Variants in KIF14 observed in about 807,000 individuals in gnomAD.
KIF14 encodes the protein kinesin family member 14, also known as kinesin-like protein KIF14.
A neutral mutation model predicts 176.2 loss-of-function variants in KIF14; 98 were observed. The ratio of observed to expected loss-of-function variants is 0.56; its 90% confidence interval spans 0.47 to 0.66. The LOEUF (loss-of-function observed/expected upper bound fraction) is 0.66, where lower values mean the gene tolerates loss of function less well. Ranked by LOEUF, KIF14 falls within the 30% of genes least tolerant of loss-of-function variation. KIF14 has a pLI of 0.00. For missense variants in KIF14, 1,751 were observed against 1,920.4 expected, an observed-to-expected ratio of 0.91 and a Z score of 1.65; for synonymous variants, 566 against 632.2, an observed-to-expected ratio of 0.90 and a Z score of 1.57.
intron 13 of KIF14, 134 bp from the exon 14 acceptor site, chr1:200,598,555 ATTTT>A (rs1485959475): frequency 1.2e-5 from 7 of 566,920 alleles, no homozygotes; most frequent in Non-Finnish European, 1.9e-5. Context: ...TTATTTATTT[ATTTT>A]TTTATTTTTA....
rs376412797 is a variant in KIF14 at position 200,559,123 on chromosome 1, A to C, written c.4353+207T>G. On this transcript the variant is annotated intron_variant, in intron 27 of 29. Coordinates refer to ENST00000367350, the MANE Select transcript of KIF14 (RefSeq NM_014875.3). The stretch of plus-strand genomic sequence containing the variant: ...TCTTGAAAATAGCTGCAACAGGACC[A>C]AGCAAAATATTAACAATAGAGGCTG... 5.9e-5 allele frequency among the ~76,000 whole-genome samples: 9 copies of C among 152,216 alleles called. No homozygotes were observed. In the East Asian group the frequency reaches 1.2e-3, roughly 20 times the overall value.
rs201863125 is a variant in KIF14 at position 200,559,068 on chromosome 1, ACT to A, written c.4353+260_4353+261del. Among the ~76,000 whole-genome samples, 647 of 152,172 alleles carry A rather than the reference ACT, an allele frequency of 4.3e-3. 3 individuals are homozygous for A. Among genetic ancestry groups the A allele is most frequent in the African/African-American group, 0.015 (623 of 41,514 alleles). On this transcript the variant is annotated intron_variant, in intron 27 of 29. Coordinates refer to ENST00000367350, the MANE Select transcript of KIF14 (RefSeq NM_014875.3). ...ACACTAGGTGTCACTACCACACTCC[ACT>A]CTCTGCTTAGGAGTTTACAGACTGA...
chr1:200,586,223 A>C lies in KIF14; in HGVS notation c.3119T>G (p.Leu1040Ter), dbSNP rs1479756446. 1 of 1,590,794 alleles carries C rather than the reference A, an allele frequency of 6.3e-7. No homozygotes were observed. The highest frequency in any genetic ancestry group is 2.3e-5 in the East Asian group (1 of 44,430). Residue 1040 changes from leucine (L) to a stop codon, truncating the protein, a stop_gained, in exon 19 of 30, where the codon TTA (leucine) becomes TGA (stop). Coordinates refer to ENST00000367350, the MANE Select transcript of KIF14 (RefSeq NM_014875.3). LOFTEE classifies it high-confidence loss of function. Reference protein sequence around the residue: ...EMETLATKQALEDHSIRHARI... With the variant: ...EMETLATKQA Reference sequence around the variant, plus strand: ...TGCATGGCGGATGCTATGGTCTTCTAAAGCCTAATTGATATTCATTCATAC... The same window carrying C: ...TGCATGGCGGATGCTATGGTCTTCTCAAGCCTAATTGATATTCATTCATAC...
At position 200,573,427 on chromosome 1, in the gene KIF14, C is replaced by CTTTTTTTTTTTTTTTTT. The variant is rs869174532; in HGVS notation, c.3566+2147_3566+2163dup. Among the ~76,000 whole-genome samples the CTTTTTTTTTTTTTTTTT allele has an allele frequency of 8.0e-4, 62 of 77,742 alleles. 7 individuals carry two copies. The highest frequency in any genetic ancestry group is 9.6e-4 in the Admixed American group (6 of 6,222). 51.0% of individuals were successfully genotyped at this position (77,742 alleles called of 152,430 possible). ...TTCCCTACACTCAAGGAGCTCATTT[C>CTTTTTTTTTTTTTTTTT]TTTTTTTTTTTTTTTTTTTTTTTTG... On this transcript the variant is annotated intron_variant, in intron 22 of 29. Transcript: ENST00000367350.
At chr1:200,598,044 G>A (rs550642493) in intron 14 of KIF14, among the ~76,000 whole-genome samples, 193 bp downstream of exon 14, 1 of 152,104 alleles carries the variant, frequency 6.6e-6, no homozygotes, top group African/African-American at 2.4e-5. Context: ...GCATTACACT[G>A]TACTTTATAT....
Position 200,589,292 on chromosome 1 carries a change from CT to C in KIF14, c.3038del (p.Lys1013ArgfsTer17). On this transcript the variant is annotated frameshift_variant, in exon 18 of 30. Transcript: ENST00000367350. LOFTEE classifies it high-confidence loss of function. ...KANHKIEELEKAKQHLEQEIY... is the reference protein window; with the variant it reads ...KANHKIEELEXAKQHLEQEIY... ...TTTCCTGTTCAAGATGCTGCTTTGC[CT>C]TTTCTAATTCCTCAATTTTGTGATT... The C allele has an allele frequency of 6.2e-7, 1 of 1,611,774 alleles. No homozygotes were observed. The highest frequency in any genetic ancestry group is 1.7e-5 in the Admixed American group (1 of 59,938).
Position 200,553,716 on chromosome 1 carries a change from T to C in KIF14, c.4619A>G (p.Asn1540Ser), listed in dbSNP as rs757157207. ...GTCACTGTAAAAATCACTGGCCAAG[T>C]TGCGAATACTTTCAACACAAGTCTG... ...LLQTCVESIRNLASDFYSDFS... is the reference protein window; with the variant it reads ...LLQTCVESIRSLASDFYSDFS... The change falls in exon 30 of 30, where the codon AAC becomes AGC. Residue 1540 changes from asparagine (N) to serine (S), a missense_variant. Coordinates refer to ENST00000367350, the MANE Select transcript of KIF14 (RefSeq NM_014875.3). 1.9e-6 allele frequency: 3 copies of C among 1,611,522 alleles called. No individual in the cohort carries two copies. Among genetic ancestry groups the C allele is most frequent in the Non-Finnish European group, 2.5e-6 (3 of 1,178,082 alleles).
Position 200,565,124 on chromosome 1 carries a change from T to C in KIF14, c.4016A>G (p.Asp1339Gly). The C allele has an allele frequency of 6.2e-7, 1 of 1,613,782 alleles. No homozygotes were observed. The highest frequency in any genetic ancestry group is 8.5e-7 in the Non-Finnish European group (1 of 1,179,836). ...LPCTNIARLE[D>G]ELRQEVKKLG... ...TTTTTTAACTTCTTGTCTCAACTCA[T>C]CCTCAAGTCTTGCTATGTTGGTACA... is the stretch of plus-strand genomic sequence containing the variant. Residue 1339 changes from aspartate (D) to glycine (G), a missense_variant, in exon 25 of 30, where the codon GAT becomes GGT. Physicochemically the swap from Asp to Gly is moderately conservative, Grantham distance 94 (BLOSUM62 -1). Coordinates refer to ENST00000367350, the MANE Select transcript of KIF14 (RefSeq NM_014875.3).
At chr1:200,581,358 C>A in intron 19 of KIF14, 64 bp from the exon 20 acceptor site, 1 of 765,778 alleles carries the variant, frequency 1.3e-6, no homozygotes. Flanking sequence ...TACCATTAGG[C>A]AAAACAATTC....
chr1:200,564,258 C>A (rs1226915222), intron 25 of KIF14, among the ~76,000 whole-genome samples: 1 of 113,006 alleles, frequency 8.8e-6, no homozygotes, highest in African/African-American at 3.7e-5. Context: ...GAGACTCCAG[C>A]TCAAAAAAAA....
rs1407856177 is a variant in KIF14 at position 200,592,260 on chromosome 1, G to A, written c.2653-20C>T. 3 of 1,590,324 alleles carry A rather than the reference G, an allele frequency of 1.9e-6. No individual in the cohort carries two copies. Among genetic ancestry groups the A allele is most frequent in the Non-Finnish European group, 2.6e-6 (3 of 1,171,770 alleles). ...ATCACCCTAAAGCACACAAAAAAAT[G>A]TACTACTTGAGGTGAGTCTCAACCA... On this transcript the variant is annotated intron_variant, in intron 15 of 29. Transcript: ENST00000367350.
intron 26 of KIF14, among the ~76,000 whole-genome samples, chr1:200,560,196 T>A (rs1371270926): frequency 6.6e-6 from 1 of 152,246 alleles, no homozygotes; most frequent in Non-Finnish European, 1.5e-5. Flanking sequence ...ATGACTAGCA[T>A]CAAATTAAGG....
At chr1:200,574,347 C>T (rs1657983251) in intron 22 of KIF14, among the ~76,000 whole-genome samples, 1 of 152,188 alleles carries the variant, frequency 6.6e-6, no homozygotes, top group South Asian at 2.1e-4. Context: ...CGACTTTCCC[C>T]TAGTCAGTCA....
At chr1:200,572,797 A>T (rs1291769776) in intron 22 of KIF14, among the ~76,000 whole-genome samples, 1 of 152,226 alleles carries the variant, frequency 6.6e-6, no homozygotes, top group Non-Finnish European at 1.5e-5. Flanking sequence ...TGATGAATTT[A>T]TTGGTCTGGT....
intron 27 of KIF14, among the ~76,000 whole-genome samples, chr1:200,558,514 TGAA>T (rs1290561262): frequency 6.6e-6 from 1 of 151,948 alleles, no homozygotes; most frequent in African/African-American, 2.4e-5. Flanking sequence ...TTCAATGAAA[TGAA>T]GAATATAAAT....
intron 22 of KIF14, among the ~76,000 whole-genome samples, chr1:200,573,998 T>C (rs1657965677): frequency 1.3e-5 from 2 of 152,214 alleles, no homozygotes; most frequent in African/African-American, 4.8e-5. Flanking sequence ...ATTTGAGTAA[T>C]GGCTCTTCCT....
rs192682925 is a variant in KIF14 at position 200,603,488 on chromosome 1, C to G, written c.1864-147G>C. The G allele has an allele frequency of 3.1e-4, 181 of 580,644 alleles. No individual in the cohort carries two copies. The African/African-American group carries it at 3.3e-3, about 11-fold the overall frequency. The allele number at this position is 580,644 out of a possible 1,614,324, so 36.0% of individuals were successfully genotyped here. On this transcript the variant is annotated intron_variant, in intron 9 of 29. Transcript: ENST00000367350. ...TTGAGACAGAGTCTCACTCTGTTGCCCAGGCTGGAGTGCAGTGGCATAAAC... is the reference window on the plus strand; with the variant it reads ...TTGAGACAGAGTCTCACTCTGTTGCGCAGGCTGGAGTGCAGTGGCATAAAC...
chr1:200,578,559 T>C (rs778564954), intron 21 of KIF14, among the ~76,000 whole-genome samples: 1 of 152,062 alleles, frequency 6.6e-6, no homozygotes, highest in Non-Finnish European at 1.5e-5. Flanking sequence ...TCTATGTGAT[T>C]CAAAGATGTG....
intron 14 of KIF14, among the ~76,000 whole-genome samples, chr1:200,594,186 C>T (rs1399984440): frequency 6.6e-6 from 1 of 151,570 alleles, no homozygotes; most frequent in East Asian, 1.9e-4. Context: ...CCACCTGCCT[C>T]GGCCTCCCAA....
Sources: allele counts gnomAD v4.1 joint callset (sites outside exome capture counted in the v4.1 genomes callset), GRCh38; gene constraint gnomAD v4.1.1; transcripts MANE v1.5; gene names NCBI Gene and HGNC (gene_info 2026-07-23, HGNC 2026-07-21).